SHANK2: variants seen among roughly 807,000 people sequenced by gnomAD.
SHANK2 encodes the protein SH3 and multiple ankyrin repeat domains 2, also known as SH3 and multiple ankyrin repeat domains protein 2.
A neutral mutation model predicts 133.7 loss-of-function variants in SHANK2; 43 were observed. The ratio of observed to expected loss-of-function variants is 0.32; its 90% CI spans 0.25 to 0.41. SHANK2 has a LOEUF of 0.41. Ranked by LOEUF, SHANK2 falls within the 10% of genes least tolerant of loss-of-function variation. SHANK2 has a pLI of 1.00. For missense variants in SHANK2, 1,994 were observed against 2,235.8 expected (o/e 0.89, Z 2.18); for synonymous variants, 1,017 against 952.8 (o/e 1.07, Z -1.24).
intron 14 of SHANK2, among the ~76,000 whole-genome samples, chr11:70,749,077 T>C (rs1395350887): frequency 1.3e-5 from 2 of 152,240 alleles, no homozygotes; most frequent in Non-Finnish European, 2.9e-5. Context: ...TTGCATTTCA[T>C]GGGGGCTTTG....
intron 2 of SHANK2, among the ~76,000 whole-genome samples, chr11:71,200,094 C>T (rs1355127545): frequency 6.6e-6 from 1 of 152,222 alleles, no homozygotes; most frequent in Non-Finnish European, 1.5e-5. Flanking sequence ...ACATTCTCAG[C>T]ACCCCACATG....
At chr11:70,686,554 C>T (rs371751508) in intron 15 of SHANK2, among the ~76,000 whole-genome samples, 1 of 152,154 alleles carries the variant, frequency 6.6e-6, no homozygotes, top group East Asian at 1.9e-4. Context: ...TCTCCATTCT[C>T]TGAGAGCTGG....
At chr11:70,887,493 C>T (rs1173506782) in intron 11 of SHANK2, among the ~76,000 whole-genome samples, 3 of 151,864 alleles carry the variant, frequency 2.0e-5, no homozygotes, top group Non-Finnish European at 4.4e-5. Context: ...TAAAGAGATA[C>T]ACTTGAATCC....
At position 71,103,366 on chromosome 11, in the gene SHANK2, A is replaced by C. The variant is rs1034110835; in HGVS notation, c.592+6575T>G. On this transcript the variant is annotated intron_variant, in intron 6 of 25. Coordinates refer to ENST00000601538, the MANE Select transcript of SHANK2 (RefSeq NM_012309.5). ...TACTGGTAGGGTGGGTAACAGTGCCAGTCTCCCTGGGACCAACAGGCTTCC... is the reference window on the plus strand; with the variant it reads ...TACTGGTAGGGTGGGTAACAGTGCCCGTCTCCCTGGGACCAACAGGCTTCC... 5.3e-5 allele frequency among the ~76,000 whole-genome samples: 8 copies of C among 152,288 alleles called. No individual in the cohort carries two copies. In the Middle Eastern group the frequency reaches 0.017, roughly 324 times the overall value.
At chr11:70,829,580 G>C (rs915003199) in intron 11 of SHANK2, among the ~76,000 whole-genome samples, 1 of 152,146 alleles carries the variant, frequency 6.6e-6, no homozygotes, top group African/African-American at 2.4e-5. Context: ...CAGATCTGAA[G>C]ACCCAGGCCT....
chr11:70,505,324 TGTGA>T (rs2059120461), intron 17 of SHANK2, among the ~76,000 whole-genome samples: 1 of 152,156 alleles, frequency 6.6e-6, no homozygotes, highest in African/African-American at 2.4e-5. Context: ...CCCGAGCAGC[TGTGA>T]GTATGAGGTG....
chr11:70,796,897 C>A (rs1376677831), intron 14 of SHANK2, among the ~76,000 whole-genome samples: 4 of 152,196 alleles, frequency 2.6e-5, no homozygotes, highest in East Asian at 1.9e-4. Flanking sequence ...GACCCTCCCC[C>A]CAGCACCAGG....
At chr11:70,680,067 T>C (rs1397176518) in intron 15 of SHANK2, among the ~76,000 whole-genome samples, 2 of 152,190 alleles carry the variant, frequency 1.3e-5, no homozygotes, top group Non-Finnish European at 1.5e-5. Context: ...TGTCCTTTTC[T>C]ACTGCATGTC....
intron 2 of SHANK2, among the ~76,000 whole-genome samples, chr11:71,204,511 C>T (rs1171004079): frequency 6.6e-6 from 1 of 152,176 alleles, no homozygotes; most frequent in Non-Finnish European, 1.5e-5. Context: ...GCCGCTTGCT[C>T]ACCTCCTCTC....
At chr11:71,107,718 T>C (rs1422914941) in intron 6 of SHANK2, among the ~76,000 whole-genome samples, 4 of 152,216 alleles carry the variant, frequency 2.6e-5, no homozygotes, top group African/African-American at 7.2e-5. Flanking sequence ...GCTGCTTACC[T>C]GTTTCAGAGT....
chr11:70,585,295 C>T (rs781948605), intron 17 of SHANK2, among the ~76,000 whole-genome samples: 9 of 152,202 alleles, frequency 5.9e-5, no homozygotes, highest in Non-Finnish European at 1.2e-4. Context: ...GTAGAGCCAG[C>T]TGGATGGGCT....
At chr11:70,531,169 A>C (rs1376128044) in intron 17 of SHANK2, among the ~76,000 whole-genome samples, 92 of 149,096 alleles carry the variant, frequency 6.2e-4, no homozygotes, top group African/African-American at 1.6e-3. Context: ...AAAAAAAAAA[A>C]AAAAAAAAAA....
chr11:70,732,635 C>T (rs1485295727), intron 14 of SHANK2, among the ~76,000 whole-genome samples: 1 of 152,264 alleles, frequency 6.6e-6, no homozygotes, highest in African/African-American at 2.4e-5. Context: ...AAGTCCATTC[C>T]CGCCATGGGG....
chr11:70,486,075 A>G lies in SHANK2; in HGVS notation c.4218T>C (p.Ile1406=). The G allele has an allele frequency of 1.2e-6, 2 of 1,614,064 alleles. No homozygotes were observed. The highest frequency in any genetic ancestry group is 2.2e-5 in the East Asian group (1 of 44,870). ...GGGGAGGAGGCAATGGCTCTGTAAA[A>G]ATAAAATCCTCATCCAAGTCCACGG... The part of the protein sequence containing the change: ...LASVDLDEDF[I]FTEPLPPPLE... Residue 1406 remains isoleucine (I), a synonymous_variant, in exon 25 of 26, where the codon ATT becomes ATC. Transcript: ENST00000601538. The surrounding 1 kb of genome is among the most constrained non-coding windows in gnomAD (Gnocchi z 8.0).
intron 2 of SHANK2, among the ~76,000 whole-genome samples, chr11:71,172,081 C>T (rs868966688): frequency 6.6e-6 from 1 of 152,280 alleles, no homozygotes. Context: ...CAGACTTCAT[C>T]ACTCAGCCCC....
Position 70,913,418 on chromosome 11 carries a change from A to C in SHANK2, c.1108-16851T>G, listed in dbSNP as rs74373016. Reference sequence around the variant, plus strand: ...TTGCATTTCAATTCCTCCGGGAACAAAAAAAAATCAAAAGGCATTTACTGT... The same window carrying C: ...TTGCATTTCAATTCCTCCGGGAACACAAAAAAATCAAAAGGCATTTACTGT... On this transcript the variant is annotated intron_variant, in intron 10 of 25. Coordinates refer to ENST00000601538, the MANE Select transcript of SHANK2 (RefSeq NM_012309.5). Among the ~76,000 whole-genome samples, 892 of 152,150 alleles carry C rather than the reference A, an allele frequency of 5.9e-3. 9 individuals carry two copies. Among genetic ancestry groups the C allele is most frequent in the African/African-American group, 0.02 (845 of 41,520 alleles).
chr11:70,528,148 G>A (rs955929510), intron 17 of SHANK2, among the ~76,000 whole-genome samples: 6 of 152,258 alleles, frequency 3.9e-5, no homozygotes, highest in Admixed American at 2.0e-4. Context: ...GCACCTCGGC[G>A]TGATGCTGCC....
intron 2 of SHANK2, among the ~76,000 whole-genome samples, chr11:71,210,248 A>ATATATATATATATG (rs1954241057): frequency 9.9e-6 from 1 of 101,292 alleles, no homozygotes; most frequent in African/African-American, 5.2e-5. Context: ...ATATATATAT[A>ATATATATATATATG]TATATTTATT....
At chr11:71,112,658 A>G (rs1951908003) in intron 5 of SHANK2, among the ~76,000 whole-genome samples, 1 of 152,122 alleles carries the variant, frequency 6.6e-6, no homozygotes, top group Non-Finnish European at 1.5e-5. Flanking sequence ...CCTCCTGGGT[A>G]TTACAGATTC....
Sources: allele counts gnomAD v4.1 joint callset (sites outside exome capture counted in the v4.1 genomes callset), GRCh38; gene constraint gnomAD v4.1.1; non-coding constraint Gnocchi (gnomAD v3.1); transcripts MANE v1.5; gene names NCBI Gene and HGNC (gene_info 2026-07-23, HGNC 2026-07-21).